The following PCLO variants were observed in gnomAD, a reference collection of about 807,000 sequenced individuals.
PCLO encodes protein piccolo.
In PCLO, 82 loss-of-function variants were observed where a neutral mutation model predicts 427.5. That is an observed-to-expected ratio of 0.19 (90% CI 0.16 to 0.23). The LOEUF (loss-of-function observed/expected upper bound fraction) is 0.23, where lower values mean the gene tolerates loss of function less well. PCLO is among the 10% of genes least tolerant of loss of function. The pLI, the probability that PCLO is intolerant of heterozygous loss-of-function variation, is 1.00. For missense variants in PCLO, 6,239 were observed against 6,115.9 expected (o/e 1.02, Z -0.67); for synonymous variants, 2,357 against 2,155.4 (o/e 1.09, Z -2.59).
chr7:82,941,971 G>A (rs1163771481), intron 6 of PCLO, among the ~76,000 whole-genome samples: 1 of 152,158 alleles, frequency 6.6e-6, no homozygotes, highest in Non-Finnish European at 1.5e-5. Context: ...TTGAGGTCAG[G>A]AGTTCAAGAC....
rs181760122 is a variant in PCLO, at chr7:83,086,659, C to T, written c.3300+47591G>A. Among the ~76,000 whole-genome samples, 25 of 152,180 alleles carry T rather than the reference C, an allele frequency of 1.6e-4. 1 individual carries two copies. The highest frequency in any genetic ancestry group is 5.8e-4 in the African/African-American group (24 of 41,526). Reference sequence around the variant, plus strand: ...AGAGTATTTTGGATGCTGGCACAACCTTGACCATTTGACAATATGCATCAA... The same window carrying T: ...AGAGTATTTTGGATGCTGGCACAACTTTGACCATTTGACAATATGCATCAA... On this transcript the variant is annotated intron_variant, in intron 3 of 24. Transcript: ENST00000333891.
chr7:82,830,649 T>G (rs2115706652), intron 16 of PCLO, among the ~76,000 whole-genome samples: 1 of 152,102 alleles, frequency 6.6e-6, no homozygotes, highest in African/African-American at 2.4e-5. Flanking sequence ...ATATTAAGAT[T>G]TATAATACAC....
chr7:83,035,486 TA>T (rs966277157), intron 3 of PCLO, among the ~76,000 whole-genome samples: 4 of 151,878 alleles, frequency 2.6e-5, no homozygotes, highest in Non-Finnish European at 4.4e-5. Flanking sequence ...TTTAACCTAA[TA>T]AAAAAAAGAT....
At chr7:83,037,989 T>TTATATATATATATATATATA in intron 3 of PCLO, among the ~76,000 whole-genome samples, 16 of 13,596 alleles carry the variant, frequency 1.2e-3, no homozygotes, top group Admixed American at 1.6e-3. Flanking sequence ...AAGGAGGAGC[T>TTATATATATATATATATATA]TATATATATA....
At chr7:83,138,488 T>C (rs965344160) in intron 2 of PCLO, among the ~76,000 whole-genome samples, 25 of 151,874 alleles carry the variant, frequency 1.6e-4, no homozygotes, top group African/African-American at 5.8e-4. Flanking sequence ...TGGTGAAACA[T>C]TGTCTCTATT....
intron 20 of PCLO, among the ~76,000 whole-genome samples, chr7:82,819,870 C>CA (rs1791754100): frequency 6.6e-6 from 1 of 152,010 alleles, no homozygotes; most frequent in African/African-American, 2.4e-5. Flanking sequence ...CTCATAAAAT[C>CA]AAATATTTTA....
At chr7:82,909,929 A>G (rs908985780) in intron 7 of PCLO, among the ~76,000 whole-genome samples, 5 of 152,098 alleles carry the variant, frequency 3.3e-5, no homozygotes, top group African/African-American at 1.2e-4. Flanking sequence ...AAGGTACACA[A>G]TTATTATTTT....
At chr7:82,962,149 C>T (rs2115626894) in intron 4 of PCLO, among the ~76,000 whole-genome samples, 1 of 152,124 alleles carries the variant, frequency 6.6e-6, no homozygotes, top group East Asian at 1.9e-4. Context: ...CAAACCTTAC[C>T]CTAAATATAG....
At chr7:82,958,130 T>C (rs1795570933) in intron 4 of PCLO, among the ~76,000 whole-genome samples, 1 of 152,212 alleles carries the variant, frequency 6.6e-6, no homozygotes, top group African/African-American at 2.4e-5. Context: ...GAGCATGCTA[T>C]AGCTCATTCT....
chr7:82,923,529 A>C (rs1365474445), intron 6 of PCLO, among the ~76,000 whole-genome samples: 1 of 152,152 alleles, frequency 6.6e-6, no homozygotes, highest in African/African-American at 2.4e-5. Flanking sequence ...GCAAACCTTC[A>C]AACTGTAAAT....
rs1795458905 is a variant in PCLO at position 82,954,572 on chromosome 7, G to A, written c.6381C>T (p.Ile2127=). The A allele has an allele frequency of 6.2e-7, 1 of 1,613,872 alleles. No homozygotes were observed. Among genetic ancestry groups the A allele is most frequent in the Non-Finnish European group, 8.5e-7 (1 of 1,179,834 alleles). The part of the protein sequence containing the change: ...TDSTSSATLS[I]PDVKITQHFS... ...AATGTTGGGTTATTTTAACATCTGG[G>A]ATAGAGAGTGTTGCACTGCTGGTCG... The change falls in exon 5 of 25, where the codon ATC becomes ATT. Residue 2127 remains isoleucine, a synonymous_variant. Transcript: ENST00000333891.
chr7:83,051,655 T>C (rs952613858), intron 3 of PCLO, among the ~76,000 whole-genome samples: 3 of 152,096 alleles, frequency 2.0e-5, no homozygotes, highest in Non-Finnish European at 4.4e-5. Context: ...TTCAATGCAA[T>C]CCCAATCAAA....
At chr7:83,018,482 A>C (rs1788264389) in intron 3 of PCLO, among the ~76,000 whole-genome samples, 2 of 152,022 alleles carry the variant, frequency 1.3e-5, no homozygotes, top group African/African-American at 4.8e-5. Flanking sequence ...GAGAGCTAAA[A>C]TAATATCGAA....
chr7:82,853,357 A>T (rs1792715390), intron 10 of PCLO, among the ~76,000 whole-genome samples: 1 of 151,958 alleles, frequency 6.6e-6, no homozygotes, highest in Non-Finnish European at 1.5e-5. Context: ...CCTTAGACAC[A>T]CTCTGTTTCC....
intron 3 of PCLO, among the ~76,000 whole-genome samples, chr7:82,985,551 A>C (rs1455890244): frequency 6.6e-6 from 1 of 151,896 alleles, no homozygotes; most frequent in East Asian, 1.9e-4. Context: ...TGAATAGACA[A>C]GGCTGTGTCG....
chr7:82,999,592 A>G (rs1787742799), intron 3 of PCLO, among the ~76,000 whole-genome samples: 1 of 41,890 alleles, frequency 2.4e-5, no homozygotes, highest in Non-Finnish European at 3.5e-5. Flanking sequence ...ATTAAAATAT[A>G]AAATATAATA....
chr7:83,017,084 T>C (rs375313829), intron 3 of PCLO, among the ~76,000 whole-genome samples: 2 of 151,800 alleles, frequency 1.3e-5, no homozygotes, highest in Non-Finnish European at 2.9e-5. Flanking sequence ...GGAAGAAAAA[T>C]AGACCTCAAA....
chr7:82,929,235 C>T (rs1255526306), intron 6 of PCLO, among the ~76,000 whole-genome samples: 2 of 152,054 alleles, frequency 1.3e-5, no homozygotes, highest in East Asian at 1.9e-4. Flanking sequence ...TACATCAAAG[C>T]TTACCATGTA....
intron 10 of PCLO, among the ~76,000 whole-genome samples, chr7:82,853,655 T>C (rs1326611684): frequency 3.3e-5 from 5 of 152,314 alleles, no homozygotes; most frequent in Admixed American, 3.3e-4. Context: ...TTTATATAGA[T>C]AAATATTTTC....
Sources: gnomAD v4.1 joint callset for allele counts (sites outside exome capture counted in the v4.1 genomes callset) on GRCh38, gnomAD v4.1.1 for gene constraint, MANE v1.5 for transcripts, NCBI Gene and HGNC (gene_info 2026-07-23, HGNC 2026-07-21) for gene names.